The following FNIP2 variants were observed in gnomAD, a reference collection of about 807,000 sequenced individuals.
FNIP2 encodes the protein folliculin-interacting protein 2.
In FNIP2, 32 loss-of-function variants were observed where a neutral mutation model predicts 108.7. That is an observed-to-expected ratio of 0.29 (90% confidence interval 0.22 to 0.40). FNIP2 has a LOEUF of 0.40. Among genes scored for constraint, FNIP2 ranks in the 10% least tolerant of loss-of-function variants. The pLI is 1.00. For missense variants in FNIP2, 1,202 were observed against 1,381.6 expected, an observed-to-expected ratio of 0.87 and a Z score of 2.06; for synonymous variants, 480 against 496.7, an observed-to-expected ratio of 0.97 and a Z score of 0.45.
intron 8 of FNIP2, among the ~76,000 whole-genome samples, chr4:158,857,449 G>A (rs559129886): frequency 7.2e-4 from 109 of 152,264 alleles, no homozygotes; most frequent in South Asian, 1.5e-3. Context: ...ATTAGAATCC[G>A]GGAATTTCCC....
At chr4:158,825,870 A>T (rs759830041) in intron 1 of FNIP2, 46 bp from the exon 2 acceptor site, 20 of 1,585,080 alleles carry the variant, frequency 1.3e-5, no homozygotes, top group Middle Eastern at 1.7e-4. Flanking sequence ...TGATCATCTC[A>T]TGTGCTGCAG....
At chr4:158,773,458 G>T (rs1775762139) in intron 1 of FNIP2, among the ~76,000 whole-genome samples, 7 of 152,218 alleles carry the variant, frequency 4.6e-5, no homozygotes, top group Admixed American at 4.6e-4. Flanking sequence ...CCATTTCTCT[G>T]ATCCTCAGCT....
At chr4:158,844,616 A>G (rs1054099849) in intron 7 of FNIP2, among the ~76,000 whole-genome samples, 1 of 152,240 alleles carries the variant, frequency 6.6e-6, no homozygotes, top group African/African-American at 2.4e-5. Flanking sequence ...CTTAAGGGCA[A>G]CTACTCTGCC....
intron 1 of FNIP2, among the ~76,000 whole-genome samples, chr4:158,820,070 G>A (rs758949023): frequency 2.0e-5 from 3 of 152,290 alleles, no homozygotes; most frequent in Non-Finnish European, 2.9e-5. Flanking sequence ...ATTTTTGCCA[G>A]TTTTTGTTGT....
In FNIP2 at chr4:158,821,914, C is replaced by T. The variant is rs565040476; in HGVS notation, c.108-4002C>T. Reference sequence around the variant, plus strand: ...ACCAGCCTGGGCAACATGGTAAAACCCTCTCTCTACAAAAAATACAAAGAA... The same window carrying T: ...ACCAGCCTGGGCAACATGGTAAAACTCTCTCTCTACAAAAAATACAAAGAA... On this transcript the variant is annotated intron_variant, in intron 1 of 16. Coordinates refer to ENST00000264433, the MANE Select transcript of FNIP2 (RefSeq NM_020840.3). 8.5e-5 allele frequency among the ~76,000 whole-genome samples: 13 copies of T among 152,152 alleles called. No individual in the cohort carries two copies. In the South Asian group the frequency reaches 2.5e-3, roughly 29 times the overall value.
intron 16 of FNIP2, among the ~76,000 whole-genome samples, chr4:158,896,595 A>G (rs1178817241): frequency 1.3e-5 from 2 of 152,160 alleles, no homozygotes; most frequent in African/African-American, 4.8e-5. Flanking sequence ...AAGCCTCCTA[A>G]GAGACTGGGG....
At chr4:158,810,052 C>T (rs1166126499) in intron 1 of FNIP2, among the ~76,000 whole-genome samples, 2 of 152,002 alleles carry the variant, frequency 1.3e-5, no homozygotes, top group African/African-American at 4.8e-5. Flanking sequence ...GGATTACTGA[C>T]TAGGAAATAT....
At chr4:158,814,396 G>A (rs1191712827) in intron 1 of FNIP2, among the ~76,000 whole-genome samples, 1 of 152,216 alleles carries the variant, frequency 6.6e-6, no homozygotes, top group Non-Finnish European at 1.5e-5. Flanking sequence ...GAGAAGGTCA[G>A]CTCAGTTGAA....
chr4:158,832,542 TAAAAC>T (rs1167641054), intron 5 of FNIP2, among the ~76,000 whole-genome samples: 1 of 152,188 alleles, frequency 6.6e-6, no homozygotes, highest in Non-Finnish European at 1.5e-5. Flanking sequence ...ATTTTTTAAA[TAAAAC>T]AACAAAACAC....
chr4:158,866,191 C>T (rs1375816837), intron 12 of FNIP2, among the ~76,000 whole-genome samples: 2 of 127,330 alleles, frequency 1.6e-5, no homozygotes, highest in Admixed American at 1.6e-4. Flanking sequence ...ATCTTTTCAG[C>T]TTTTGATTTG....
At chr4:158,900,781 T>C (rs1729156867) in intron 16 of FNIP2, among the ~76,000 whole-genome samples, 1 of 152,226 alleles carries the variant, frequency 6.6e-6, no homozygotes, top group Admixed American at 6.5e-5. Flanking sequence ...TCTTGACTCT[T>C]TATCCAGTTT....
intron 7 of FNIP2, among the ~76,000 whole-genome samples, chr4:158,840,839 A>C (rs889811955): frequency 3.3e-5 from 5 of 152,392 alleles, no homozygotes; most frequent in African/African-American, 1.2e-4. Context: ...ATCATTGATA[A>C]GAAAAATACT....
At chr4:158,827,313 A>G (rs1455783369) in intron 2 of FNIP2, among the ~76,000 whole-genome samples, 1 of 152,238 alleles carries the variant, frequency 6.6e-6, no homozygotes, top group Non-Finnish European at 1.5e-5. Context: ...TGGATGGTCT[A>G]GTTGAGCAGC....
chr4:158,873,427 C>T (rs1781077097), intron 14 of FNIP2, among the ~76,000 whole-genome samples: 2 of 151,996 alleles, frequency 1.3e-5, no homozygotes, highest in South Asian at 4.1e-4. Flanking sequence ...ATTGCCCAGG[C>T]TGGACTTGAA....
rs1782416766 is a variant in FNIP2, at chr4:158,893,444, A to C, written c.3150+1798A>C. 9.2e-6 allele frequency: 4 copies of C among 434,602 alleles called. No homozygotes were observed. In the East Asian group the frequency reaches 1.3e-4, roughly 14 times the overall value. 26.9% of individuals were successfully genotyped at this position (434,602 alleles called of 1,614,324 possible). On this transcript the variant is annotated intron_variant, in intron 15 of 16. Coordinates refer to ENST00000264433, the MANE Select transcript of FNIP2 (RefSeq NM_020840.3). ...ACTTGGAATAGTGTTAGATGTTATAAGCACTCAGTAAACAGCTACTATTAG... is the reference window on the plus strand; with the variant it reads ...ACTTGGAATAGTGTTAGATGTTATACGCACTCAGTAAACAGCTACTATTAG...
At chr4:158,896,423 C>T (rs971409289) in intron 16 of FNIP2, among the ~76,000 whole-genome samples, 6 of 152,152 alleles carry the variant, frequency 3.9e-5, no homozygotes, top group African/African-American at 1.2e-4. Flanking sequence ...TATAACTTCT[C>T]TAGGGGAAGT....
In FNIP2 at chr4:158,870,298, C is replaced by T; in HGVS notation, c.2793-15C>T. Reference sequence around the variant, plus strand: ...TTTTTAGCTGTGCATTTTAATGGGCCACATGTTGTTTTAGGTCTCAGAGCA... The same window carrying T: ...TTTTTAGCTGTGCATTTTAATGGGCTACATGTTGTTTTAGGTCTCAGAGCA... On this transcript the variant is annotated splice_polypyrimidine_tract_variant and intron_variant, in intron 13 of 16. Coordinates refer to ENST00000264433, the MANE Select transcript of FNIP2 (RefSeq NM_020840.3). 6.2e-7 allele frequency: 1 copy of T among 1,609,188 alleles called. No individual in the cohort carries two copies. The highest frequency in any genetic ancestry group is 8.5e-7 in the Non-Finnish European group (1 of 1,175,982).
At chr4:158,863,792 A>G (rs907442402) in intron 12 of FNIP2, among the ~76,000 whole-genome samples, 1 of 147,070 alleles carries the variant, frequency 6.8e-6, no homozygotes, top group Admixed American at 6.8e-5. Context: ...CACTGTCTAC[A>G]CCACTGACTG....
At chr4:158,786,337 T>C (rs1776223341) in intron 1 of FNIP2, among the ~76,000 whole-genome samples, 1 of 152,236 alleles carries the variant, frequency 6.6e-6, no homozygotes, top group African/African-American at 2.4e-5. Context: ...TGCTGTTTTA[T>C]CTTCATAAAA....
Sources: gnomAD v4.1 joint callset for allele counts (sites outside exome capture counted in the v4.1 genomes callset) on GRCh38, gnomAD v4.1.1 for gene constraint, MANE v1.5 for transcripts, NCBI Gene and HGNC (gene_info 2026-07-23, HGNC 2026-07-21) for gene names.